METTL25: variants seen among roughly 807,000 people sequenced by gnomAD.
METTL25 encodes methyltransferase like 25, also known as probable methyltransferase-like protein 25.
Under a neutral mutation model 71.6 loss-of-function variants are expected in METTL25, and 64 were observed. The ratio of observed to expected loss-of-function variants is 0.89; its 90% confidence interval spans 0.73 to 1.10. The LOEUF (loss-of-function observed/expected upper bound fraction) is 1.10. METTL25 is among the 50% of genes least tolerant of loss of function. The pLI, the probability that METTL25 is intolerant of heterozygous loss-of-function variation, is 0.00. For missense variants in METTL25, 807 were observed against 707.0 expected (o/e 1.14, Z -1.60); for synonymous variants, 287 against 250.3 (o/e 1.15, Z -1.38).
At chr12:82,437,544 A>G (rs548185214) in intron 7 of METTL25, among the ~76,000 whole-genome samples, 43 of 151,800 alleles carry the variant, frequency 2.8e-4, no homozygotes, top group African/African-American at 1.0e-3. Flanking sequence ...TTAATGTTAA[A>G]TAAGGGAGAG....
chr12:82,417,439 T>C lies in METTL25; in HGVS notation c.1280-13454T>C, dbSNP rs529855007. On this transcript the variant is annotated intron_variant, in intron 5 of 11. Transcript: ENST00000248306. ...CATTATAAAATGAGTTCTGAAAGTA[T>C]GCAAGCATATACGTTAAAAAGTTAA... 2.0e-5 allele frequency among the ~76,000 whole-genome samples: 3 copies of C among 152,304 alleles called. No individual in the cohort carries two copies. In the East Asian group the frequency reaches 5.8e-4, roughly 29 times the overall value.
At position 82,479,136 on chromosome 12, in the gene METTL25, A is replaced by G. The variant is rs1893055294; in HGVS notation, c.*112A>G. Reference sequence around the variant, plus strand: ...AAAAATTTTTAAATGACTGTTATGTATTTTAAATAATAAAATAATGGCTAA... The same window carrying G: ...AAAAATTTTTAAATGACTGTTATGTGTTTTAAATAATAAAATAATGGCTAA... On this transcript the variant is annotated 3_prime_UTR_variant, in exon 12 of 12. Coordinates refer to ENST00000248306, the MANE Select transcript of METTL25 (RefSeq NM_032230.3). 1 of 669,760 alleles carries G rather than the reference A, an allele frequency of 1.5e-6. No individual in the cohort carries two copies. The highest frequency in any genetic ancestry group is 2.6e-5 in the Admixed American group (1 of 38,224). 41.5% of individuals were successfully genotyped at this position (669,760 alleles called of 1,614,324 possible). A position where few individuals can be genotyped will look rare whatever the true frequency, so the allele number is the denominator to read the frequency against.
intron 1 of METTL25, among the ~76,000 whole-genome samples, chr12:82,361,014 G>A (rs984793038): frequency 1.2e-4 from 19 of 152,148 alleles, no homozygotes; most frequent in African/African-American, 4.6e-4. Context: ...TTTATCACAA[G>A]GAGTGAAAGA....
At chr12:82,443,317 T>C (rs1473715293) in intron 8 of METTL25, among the ~76,000 whole-genome samples, 5 of 151,868 alleles carry the variant, frequency 3.3e-5, no homozygotes, top group African/African-American at 7.3e-5. Context: ...GGAAGCAGAA[T>C]ACCCCTAAAG....
At chr12:82,461,931 T>TATATACAAGCA (rs1272993676) in intron 9 of METTL25, among the ~76,000 whole-genome samples, 1 of 152,182 alleles carries the variant, frequency 6.6e-6, no homozygotes, top group Non-Finnish European at 1.5e-5. Context: ...ATATATTGTC[T>TATATACAAGCA]CCCACTCTAG....
chr12:82,360,513 G>A (rs1447785364), intron 1 of METTL25, among the ~76,000 whole-genome samples: 1 of 151,690 alleles, frequency 6.6e-6, no homozygotes, highest in Non-Finnish European at 1.5e-5. Flanking sequence ...GTAAGGGGAA[G>A]AAGAGGAAAA....
chr12:82,460,919 G>A (rs905206717), intron 9 of METTL25, among the ~76,000 whole-genome samples: 1 of 152,152 alleles, frequency 6.6e-6, no homozygotes, highest in Non-Finnish European at 1.5e-5. Context: ...CAAGGCGGGC[G>A]GATCACAAGG....
chr12:82,478,479 T>A (rs1453383530), intron 11 of METTL25, among the ~76,000 whole-genome samples: 1 of 151,696 alleles, frequency 6.6e-6, no homozygotes. Context: ...ATTTAAGGAA[T>A]CTCTCAAATA....
chr12:82,424,171 T>C (rs1357899199), intron 5 of METTL25, among the ~76,000 whole-genome samples: 1 of 152,046 alleles, frequency 6.6e-6, no homozygotes, highest in Non-Finnish European at 1.5e-5. Flanking sequence ...ATTAAGAAAA[T>C]GTGGCACATA....
At chr12:82,426,538 C>G (rs1157657426) in intron 5 of METTL25, among the ~76,000 whole-genome samples, 1 of 152,020 alleles carries the variant, frequency 6.6e-6, no homozygotes, top group African/African-American at 2.4e-5. Context: ...AGCTCTCTTA[C>G]ACACAGGTTG....
chr12:82,410,155 TAAAC>T lies in METTL25; in HGVS notation c.1279+7029_1279+7032del, dbSNP rs199733110. On this transcript the variant is annotated intron_variant, in intron 5 of 11. Transcript: ENST00000248306. ...ATATAACATACTGTTTAAGCTTACT[TAAAC>T]AAATATTCTATATATGATATTCCGT... Among the ~76,000 whole-genome samples, 135 of 151,960 alleles carry T rather than the reference TAAAC, an allele frequency of 8.9e-4. 1 individual carries two copies. In the East Asian group the frequency reaches 0.024, roughly 27 times the overall value.
chr12:82,447,852 C>G (rs1398235150), intron 8 of METTL25, among the ~76,000 whole-genome samples: 2 of 151,934 alleles, frequency 1.3e-5, no homozygotes, highest in African/African-American at 4.8e-5. Context: ...AGGCTATACC[C>G]CACAGTCAGT....
intron 5 of METTL25, among the ~76,000 whole-genome samples, chr12:82,415,485 T>C (rs940745202): frequency 6.6e-5 from 10 of 152,090 alleles, no homozygotes; most frequent in African/African-American, 2.4e-4. Flanking sequence ...TTACTAAGAA[T>C]GGGCTGACAC....
chr12:82,450,272 C>T (rs1364884730), intron 8 of METTL25, among the ~76,000 whole-genome samples: 1 of 152,066 alleles, frequency 6.6e-6, no homozygotes, highest in Non-Finnish European at 1.5e-5. Context: ...CCAAATTCAC[C>T]TGTTAATGAC....
intron 7 of METTL25, among the ~76,000 whole-genome samples, chr12:82,435,877 CTATT>C (rs1375281271): frequency 4.0e-5 from 6 of 151,278 alleles, no homozygotes; most frequent in Non-Finnish European, 7.4e-5. Flanking sequence ...TACCAAAGTA[CTATT>C]TAAAGATCTT....
intron 9 of METTL25, among the ~76,000 whole-genome samples, chr12:82,462,598 C>G (rs965964049): frequency 6.6e-6 from 1 of 152,066 alleles, no homozygotes; most frequent in Non-Finnish European, 1.5e-5. Context: ...ATGAGATACT[C>G]TCTTCATTTT....
At chr12:82,379,510 A>G (rs1182245793) in intron 1 of METTL25, among the ~76,000 whole-genome samples, 1 of 23,354 alleles carries the variant, frequency 4.3e-5, no homozygotes, top group Non-Finnish European at 1.6e-4. Context: ...ATTTCTGGGA[A>G]TTTAGTATCT....
At chr12:82,448,057 T>C (rs1306900133) in intron 8 of METTL25, among the ~76,000 whole-genome samples, 1 of 152,150 alleles carries the variant, frequency 6.6e-6, no homozygotes, top group Non-Finnish European at 1.5e-5. Context: ...TGAGATATTT[T>C]TAATATGAGT....
chr12:82,438,775 T>C lies in METTL25; in HGVS notation c.1462T>C (p.Tyr488His). The C allele has an allele frequency of 6.6e-7, 1 of 1,513,640 alleles. No homozygotes were observed. The highest frequency in any genetic ancestry group is 1.2e-5 in the South Asian group (1 of 81,584). 93.8% of individuals were successfully genotyped at this position (1,513,640 alleles called of 1,614,324 possible). ...TCTTCAGGATATTATTAAAGATTGT[T>C]ATGGCATCACCAAATGGTATGAGGA... ...AVLQDIIKDC[Y>H]GITKCDRHVG... is the part of the protein sequence containing the mutation. Residue 488 changes from tyrosine to histidine, a missense_variant, in exon 8 of 12, where the codon TAT becomes CAT. By Grantham distance (83) the Tyr-to-His change is moderately conservative. Transcript: ENST00000248306.
Sources: allele counts gnomAD v4.1 joint callset (sites outside exome capture counted in the v4.1 genomes callset), GRCh38; gene constraint gnomAD v4.1.1; transcripts MANE v1.5; gene names NCBI Gene and HGNC (gene_info 2026-07-23, HGNC 2026-07-21).